Variants in STPG2 observed in about 807,000 individuals in gnomAD.
STPG2 encodes the protein sperm tail PG-rich repeat containing 2.
STPG2 carries 56 observed loss-of-function variants against 54.2 expected under a neutral mutation model. That is an observed-to-expected ratio of 1.03 (90% confidence interval 0.83 to 1.29). The LOEUF is 1.29. Ranked by LOEUF, STPG2 falls within the 50% of genes most tolerant of loss-of-function variation. The probability of loss-of-function intolerance (pLI) is 0.00; values close to 1 mark genes in which losing one functional copy is unlikely to be tolerated. For synonymous variants in STPG2, 200 were observed against 181.8 expected, an observed-to-expected ratio of 1.10 and a Z score of -0.81; for missense variants, 596 against 544.9, an observed-to-expected ratio of 1.09 and a Z score of -0.93.
At chr4:97,709,888 A>G (rs182919939) in intron 10 of STPG2, among the ~76,000 whole-genome samples, 16 of 152,070 alleles carry the variant, frequency 1.1e-4, no homozygotes, top group Non-Finnish European at 1.9e-4. Context: ...TTATGTCTAG[A>G]TAAAAATTAG....
At chr4:97,748,423 T>G (rs1285112200) in intron 9 of STPG2, among the ~76,000 whole-genome samples, 2 of 151,578 alleles carry the variant, frequency 1.3e-5, no homozygotes, top group Non-Finnish European at 3.0e-5. Flanking sequence ...GAAAATTGAA[T>G]AGCTCACTGA....
intron 9 of STPG2, among the ~76,000 whole-genome samples, chr4:97,716,859 A>T (rs1724306545): frequency 6.6e-6 from 1 of 151,990 alleles, no homozygotes; most frequent in Admixed American, 6.5e-5. Context: ...CTGCACATGT[A>T]TCCCAGATCT....
intron 4 of STPG2, 54 bp from the exon 5 acceptor site, chr4:98,106,118 T>C: frequency 1.7e-6 from 2 of 1,175,552 alleles, no homozygotes; most frequent in Non-Finnish European, 2.3e-6. Flanking sequence ...CCTATAAATA[T>C]TTATGTAAGC....
chr4:98,038,856 C>T (rs947981609), intron 5 of STPG2, among the ~76,000 whole-genome samples: 2 of 151,780 alleles, frequency 1.3e-5, no homozygotes, highest in African/African-American at 4.8e-5. Context: ...AGAATATGAA[C>T]AGGAATTCAT....
intron 5 of STPG2, among the ~76,000 whole-genome samples, chr4:98,050,533 C>CA (rs1342511269): frequency 6.6e-6 from 1 of 152,106 alleles, no homozygotes; most frequent in Non-Finnish European, 1.5e-5. Context: ...AGGCATCTGA[C>CA]AGAGAGCTCA....
At chr4:98,061,327 C>T (rs1737648606) in intron 5 of STPG2, among the ~76,000 whole-genome samples, 1 of 152,166 alleles carries the variant, frequency 6.6e-6, no homozygotes, top group African/African-American at 2.4e-5. Flanking sequence ...CAGAAGACCT[C>T]AGAAAACTTG....
intron 4 of STPG2, among the ~76,000 whole-genome samples, chr4:97,495,710 C>CAAAAAAAAAAAAAAAAAAAA (rs35288994): frequency 8.5e-6 from 1 of 117,798 alleles, no homozygotes. Context: ...ATGGTCAAGA[C>CAAAAAAAAAAAAAAAAAAAA]AAAAAAAAAA....
At chr4:97,508,764 A>G (rs935293368) in intron 4 of STPG2, among the ~76,000 whole-genome samples, 1 of 152,110 alleles carries the variant, frequency 6.6e-6, no homozygotes, top group African/African-American at 2.4e-5. Flanking sequence ...AATACAAAAT[A>G]TAAATCCACG....
intron 8 of STPG2, among the ~76,000 whole-genome samples, chr4:97,931,345 T>C (rs1415347447): frequency 6.6e-6 from 1 of 152,224 alleles, no homozygotes; most frequent in Non-Finnish European, 1.5e-5. Flanking sequence ...TTTATTATTT[T>C]GGGAAATATT....
chr4:97,703,464 A>C (rs1321952238), intron 10 of STPG2, among the ~76,000 whole-genome samples: 1 of 142,432 alleles, frequency 7.0e-6, no homozygotes, highest in African/African-American at 2.6e-5. Flanking sequence ...CACACACTAT[A>C]TATATAGTAG....
chr4:97,738,493 C>A (rs1231304518), intron 9 of STPG2, among the ~76,000 whole-genome samples: 1 of 151,956 alleles, frequency 6.6e-6, no homozygotes, highest in African/African-American at 2.4e-5. Flanking sequence ...CACACATAGG[C>A]TCAAAATAAA....
chr4:97,508,877 A>G (rs546304073), intron 4 of STPG2, among the ~76,000 whole-genome samples: 1 of 152,252 alleles, frequency 6.6e-6, no homozygotes, highest in East Asian at 1.9e-4. Context: ...TCTGTAGAGA[A>G]GCAAACACTC....
intron 4 of STPG2, among the ~76,000 whole-genome samples, chr4:97,453,732 G>A (rs983353172): frequency 1.3e-5 from 2 of 152,084 alleles, no homozygotes; most frequent in Admixed American, 6.5e-5. Flanking sequence ...GAATTAGTGT[G>A]GTATCATTGA....
chr4:97,834,978 G>T (rs1728587897), intron 9 of STPG2, among the ~76,000 whole-genome samples: 1 of 152,114 alleles, frequency 6.6e-6, no homozygotes, highest in South Asian at 2.1e-4. Flanking sequence ...ATAAAAGGGA[G>T]GGGGATAATG....
chr4:97,937,835 C>A (rs1381074637), intron 8 of STPG2, among the ~76,000 whole-genome samples: 1 of 152,112 alleles, frequency 6.6e-6, no homozygotes, highest in East Asian at 1.9e-4. Context: ...GTCTGCTGAC[C>A]CCTGTTGGGG....
chr4:97,586,027 T>C (rs1732989967), intron 10 of STPG2, among the ~76,000 whole-genome samples: 1 of 151,960 alleles, frequency 6.6e-6, no homozygotes, highest in Admixed American at 6.6e-5. Context: ...GAATTAGATG[T>C]CACAATTATC....
At chr4:98,058,793 A>T (rs1289008712) in intron 5 of STPG2, among the ~76,000 whole-genome samples, 1 of 152,192 alleles carries the variant, frequency 6.6e-6, no homozygotes, top group Non-Finnish European at 1.5e-5. Context: ...ACATACTCTA[A>T]AATTGACCAT....
chr4:97,573,045 C>T (rs780662622), intron 10 of STPG2, among the ~76,000 whole-genome samples: 10 of 151,996 alleles, frequency 6.6e-5, no homozygotes, highest in African/African-American at 1.7e-4. Flanking sequence ...AGTTTGTTAT[C>T]GTCCCTCTGC....
At chr4:97,540,917 C>G (rs1731683555) in intron 4 of STPG2, among the ~76,000 whole-genome samples, 1 of 152,164 alleles carries the variant, frequency 6.6e-6, no homozygotes, top group African/African-American at 2.4e-5. Flanking sequence ...CAGTTTTCAA[C>G]AGCCATTCAT....
Sources: allele counts gnomAD v4.1 joint callset (sites outside exome capture counted in the v4.1 genomes callset), GRCh38; gene constraint gnomAD v4.1.1; transcripts MANE v1.5; gene names NCBI Gene and HGNC (gene_info 2026-07-23, HGNC 2026-07-21).